The following CFAP20DC variants were observed in gnomAD, a reference collection of about 807,000 sequenced individuals.
CFAP20DC encodes protein CFAP20DC.
Under a neutral mutation model 101.7 loss-of-function variants are expected in CFAP20DC, and 84 were observed. The observed-to-expected ratio is 0.83, with a 90% CI of 0.69 to 0.99. The LOEUF is 0.99. Ranked by LOEUF, CFAP20DC falls within the 50% of genes least tolerant of loss-of-function variation. The pLI, the probability that CFAP20DC is intolerant of heterozygous loss-of-function variation, is 0.00. For missense variants in CFAP20DC, 1,007 were observed against 970.3 expected, an observed-to-expected ratio of 1.04 and a Z score of -0.50; for synonymous variants, 359 against 351.2, an observed-to-expected ratio of 1.02 and a Z score of -0.25.
chr3:58,979,142 CA>C (rs772294207), intron 4 of CFAP20DC, among the ~76,000 whole-genome samples: 18 of 152,138 alleles, frequency 1.2e-4, no homozygotes, highest in Non-Finnish European at 1.8e-4. Context: ...AAGAGAATCA[CA>C]AAACCTGGCC....
intron 12 of CFAP20DC, among the ~76,000 whole-genome samples, chr3:58,852,192 A>T (rs377174248): frequency 1.1e-4 from 17 of 152,222 alleles, no homozygotes; most frequent in African/African-American, 3.4e-4. Flanking sequence ...TCCTGTGACA[A>T]TTCTTCAAGG....
At chr3:58,858,730 T>C (rs941885461) in intron 12 of CFAP20DC, among the ~76,000 whole-genome samples, 2 of 152,206 alleles carry the variant, frequency 1.3e-5, no homozygotes, top group African/African-American at 4.8e-5. Flanking sequence ...TTGATGGTAG[T>C]TTTGAATTTG....
chr3:59,046,443 G>C, intron 2 of CFAP20DC, 121 bp from the exon 3 acceptor site: 2 of 663,460 alleles, frequency 3.0e-6, no homozygotes, highest in South Asian at 3.6e-5. Flanking sequence ...TTAAAAGCAG[G>C]CTCAGGCCTT....
At chr3:58,983,327 C>G (rs1254098118) in intron 4 of CFAP20DC, among the ~76,000 whole-genome samples, 10 of 152,148 alleles carry the variant, frequency 6.6e-5, no homozygotes, top group Admixed American at 2.0e-4. Context: ...ATAAATCTGG[C>G]TAATCCTACT....
intron 14 of CFAP20DC, among the ~76,000 whole-genome samples, chr3:58,830,725 T>C (rs1249326565): frequency 6.6e-6 from 1 of 152,184 alleles, no homozygotes; most frequent in Non-Finnish European, 1.5e-5. Flanking sequence ...CATATTTACT[T>C]TTGGATGAAA....
At chr3:58,870,894 CAAAAA>C (rs548763648) in intron 7 of CFAP20DC, among the ~76,000 whole-genome samples, 3 of 18,942 alleles carry the variant, frequency 1.6e-4, no homozygotes, top group South Asian at 3.3e-3. Flanking sequence ...GACTCCGTCT[CAAAAA>C]AAAAAAAAAA....
intron 4 of CFAP20DC, among the ~76,000 whole-genome samples, chr3:58,967,663 C>T (rs775837038): frequency 1.1e-4 from 16 of 152,064 alleles, no homozygotes; most frequent in South Asian, 2.1e-4. Flanking sequence ...GAATCAACAA[C>T]GAAAAGATAA....
In CFAP20DC at chr3:58,756,746, A is replaced by G. The variant is rs530547932; in HGVS notation, c.2238-2883T>C. On this transcript the variant is annotated intron_variant, in intron 15 of 16. Coordinates refer to ENST00000482387, the MANE Select transcript of CFAP20DC (RefSeq NM_001394063.1). ...TTCTGGTGTTGCCTTTCTGTGTTTC[A>G]TTTTGCAAAAACTGAACAGATACAT... 3.3e-5 allele frequency among the ~76,000 whole-genome samples: 5 copies of G among 152,018 alleles called. No individual in the cohort carries two copies. In the South Asian group the frequency reaches 1.0e-3, roughly 32 times the overall value.
chr3:59,049,093 A>C (rs555707629), intron 1 of CFAP20DC, among the ~76,000 whole-genome samples: 2 of 152,328 alleles, frequency 1.3e-5, no homozygotes, highest in Admixed American at 1.3e-4. Context: ...GCACCCCAAG[A>C]AAGCCTGATG....
At position 58,806,145 on chromosome 3, in the gene CFAP20DC, C is replaced by G. The variant is rs567637819; in HGVS notation, c.2237+250G>C. Among the ~76,000 whole-genome samples the G allele has an allele frequency of 1.2e-3, 176 of 152,282 alleles. 1 individual carries two copies. Among genetic ancestry groups the G allele is most frequent in the African/African-American group, 3.9e-3 (162 of 41,556 alleles). ...AAAATACTATGAAGTAATTCTTATG[C>G]CTGAATTACATGGAGTCAAATGACT... On this transcript the variant is annotated intron_variant, in intron 15 of 16. Transcript: ENST00000482387.
At chr3:58,809,712 C>T (rs957881255) in intron 14 of CFAP20DC, among the ~76,000 whole-genome samples, 1 of 152,048 alleles carries the variant, frequency 6.6e-6, no homozygotes, top group South Asian at 2.1e-4. Flanking sequence ...CAGAGCAGGA[C>T]TGAGGGAAAT....
intron 14 of CFAP20DC, among the ~76,000 whole-genome samples, chr3:58,829,558 C>G (rs2076260754): frequency 6.6e-6 from 1 of 152,062 alleles, no homozygotes; most frequent in South Asian, 2.1e-4. Context: ...TAGACTGACT[C>G]TGATGCAATA....
intron 4 of CFAP20DC, among the ~76,000 whole-genome samples, chr3:59,009,181 C>T (rs189509753): frequency 1.8e-4 from 28 of 152,054 alleles, no homozygotes; most frequent in Non-Finnish European, 3.5e-4. Context: ...CACAGTCCAA[C>T]CAAAAATAAA....
At chr3:58,936,618 T>C (rs2107762775) in intron 5 of CFAP20DC, among the ~76,000 whole-genome samples, 1 of 152,294 alleles carries the variant, frequency 6.6e-6, no homozygotes, top group South Asian at 2.1e-4. Context: ...GTTCATGTCG[T>C]TTGTAGGGAC....
At position 59,004,582 on chromosome 3, in the gene CFAP20DC, T is replaced by C. The variant is rs2093389782; in HGVS notation, c.278+34975A>G. ...GATTTGGTCAACAAGTTATTATCTT[T>C]TAAAAAAATTAGTTACCAACCTCTA... On this transcript the variant is annotated intron_variant, in intron 4 of 16. Transcript: ENST00000482387. Among the ~76,000 whole-genome samples the C allele has an allele frequency of 2.0e-5, 3 of 152,158 alleles. No individual in the cohort carries two copies. The South Asian group carries it at 6.2e-4, about 32-fold the overall frequency.
At chr3:58,898,278 G>A (rs1452264421) in intron 6 of CFAP20DC, among the ~76,000 whole-genome samples, 1 of 151,692 alleles carries the variant, frequency 6.6e-6, no homozygotes. Context: ...AGGTTTAAGC[G>A]ATTCCCCTGC....
chr3:58,850,686 GA>G (rs2078149959), intron 12 of CFAP20DC, among the ~76,000 whole-genome samples: 1 of 151,336 alleles, frequency 6.6e-6, no homozygotes, highest in East Asian at 1.9e-4. Context: ...TTAGAATAGA[GA>G]AAAAACAAAA....
intron 15 of CFAP20DC, among the ~76,000 whole-genome samples, chr3:58,757,610 A>G (rs2069086994): frequency 6.6e-6 from 1 of 152,112 alleles, no homozygotes; most frequent in Non-Finnish European, 1.5e-5. Context: ...CCCTACAACC[A>G]AGTTCTGTGG....
chr3:58,893,351 C>A (rs1245733614), intron 6 of CFAP20DC, among the ~76,000 whole-genome samples: 1 of 151,994 alleles, frequency 6.6e-6, no homozygotes, highest in Non-Finnish European at 1.5e-5. Context: ...GCCAAAGGAA[C>A]GTTGAATTTT....
Sources: allele counts gnomAD v4.1 joint callset (sites outside exome capture counted in the v4.1 genomes callset), GRCh38; gene constraint gnomAD v4.1.1; transcripts MANE v1.5; gene names NCBI Gene and HGNC (gene_info 2026-07-23, HGNC 2026-07-21).